The following HECW1 variants were observed in gnomAD, a reference collection of about 807,000 sequenced individuals.
HECW1 encodes E3 ubiquitin-protein ligase HECW1.
Under a neutral mutation model 182.3 loss-of-function variants are expected in HECW1, and 61 were observed. The ratio of observed to expected loss-of-function variants is 0.33; its 90% confidence interval spans 0.27 to 0.41. HECW1 has a LOEUF of 0.41. Among genes scored for constraint, HECW1 ranks in the 10% least tolerant of loss-of-function variants. The pLI, the probability that HECW1 is intolerant of heterozygous loss-of-function variation, is 1.00. For synonymous variants in HECW1, 859 were observed against 832.6 expected, an observed-to-expected ratio of 1.03 and a Z score of -0.55; for missense variants, 1,739 against 2,108.9, an observed-to-expected ratio of 0.82 and a Z score of 3.44.
chr7:43,172,721 G>A (rs1451265788), intron 2 of HECW1, among the ~76,000 whole-genome samples: 3 of 152,172 alleles, frequency 2.0e-5, no homozygotes, highest in East Asian at 3.8e-4. Context: ...GGGAACAAAT[G>A]TGACAATTAG....
chr7:43,270,669 C>A (rs1012773442), intron 3 of HECW1, among the ~76,000 whole-genome samples: 4 of 151,898 alleles, frequency 2.6e-5, no homozygotes, highest in African/African-American at 9.7e-5. Flanking sequence ...CCAAAACAAA[C>A]CAAGGTATTA....
intron 27 of HECW1, among the ~76,000 whole-genome samples, chr7:43,550,992 G>C (rs1406285590): frequency 6.6e-6 from 1 of 152,190 alleles, no homozygotes; most frequent in Non-Finnish European, 1.5e-5. Context: ...ATTTTATTTT[G>C]TTATAGCATC....
In HECW1 at chr7:43,564,145, A is replaced by G. The variant is rs1374284266; in HGVS notation, c.*2219A>G. 5.2e-6 allele frequency: 1 copy of G among 191,384 alleles called. No homozygotes were observed. Among genetic ancestry groups the G allele is most frequent in the Non-Finnish European group, 1.1e-5 (1 of 91,212 alleles). The allele number at this position is 191,384 out of a possible 1,614,324, so 11.9% of individuals were successfully genotyped here. On this transcript the variant is annotated 3_prime_UTR_variant, in exon 30 of 30. Coordinates refer to ENST00000395891, the MANE Select transcript of HECW1 (RefSeq NM_015052.5). ...GTTTTATTTATGAAATCAGAGCATA[A>G]GGACTATGCAAATCATTGAACCATA...
intron 6 of HECW1, among the ~76,000 whole-genome samples, chr7:43,363,943 TG>T (rs1816290103): frequency 6.6e-6 from 1 of 152,214 alleles, no homozygotes; most frequent in African/African-American, 2.4e-5. Flanking sequence ...AATAAGCCTT[TG>T]CAGTCTCGTC....
intron 2 of HECW1, among the ~76,000 whole-genome samples, chr7:43,182,576 G>A (rs943883364): frequency 2.6e-5 from 4 of 152,198 alleles, no homozygotes; most frequent in Non-Finnish European, 2.9e-5. Context: ...ATATTTTGAA[G>A]CCAAGTGGTA....
intron 24 of HECW1, among the ~76,000 whole-genome samples, chr7:43,513,296 T>G (rs1341451232): frequency 1.3e-5 from 2 of 152,110 alleles, no homozygotes; most frequent in Admixed American, 1.3e-4. Context: ...GGGACTCTGC[T>G]CTCCACGACG....
At chr7:43,122,496 C>T (rs1308380876) in intron 2 of HECW1, among the ~76,000 whole-genome samples, 1 of 152,208 alleles carries the variant, frequency 6.6e-6, no homozygotes, top group Non-Finnish European at 1.5e-5. Context: ...CAGTGCTCCT[C>T]TCCTGCTTTA....
chr7:43,182,107 T>C (rs1792924567), intron 2 of HECW1, among the ~76,000 whole-genome samples: 1 of 152,226 alleles, frequency 6.6e-6, no homozygotes, highest in African/African-American at 2.4e-5. Flanking sequence ...AAGTTCTCTC[T>C]TAACTCTGTT....
At chr7:43,315,783 C>T (rs951912122) in intron 4 of HECW1, among the ~76,000 whole-genome samples, 10 of 152,170 alleles carry the variant, frequency 6.6e-5, no homozygotes, top group South Asian at 2.1e-4. Flanking sequence ...CGTGATCCAC[C>T]GCGCCTGGCC....
At position 43,500,811 on chromosome 7, in the gene HECW1, G is replaced by A. The variant is rs774792010; in HGVS notation, c.3521+29G>A. ...GGGGGCTAGGCCTGAAATCCTTCTG[G>A]AAAAGCTTCCCTGGGCAGCTCTCCT... On this transcript the variant is annotated intron_variant, in intron 20 of 29. Coordinates refer to ENST00000395891, the MANE Select transcript of HECW1 (RefSeq NM_015052.5). 4 of 1,582,784 alleles carry A rather than the reference G, an allele frequency of 2.5e-6. 1 individual carries two copies. The South Asian group carries it at 4.4e-5, about 17-fold the overall frequency.
intron 3 of HECW1, among the ~76,000 whole-genome samples, chr7:43,272,755 G>A (rs1802566547): frequency 6.6e-6 from 1 of 152,218 alleles, no homozygotes; most frequent in African/African-American, 2.4e-5. Flanking sequence ...GTGAAGAGCA[G>A]TTTGGAGATT....
intron 6 of HECW1, among the ~76,000 whole-genome samples, chr7:43,372,166 C>T (rs1168379199): frequency 6.6e-6 from 1 of 152,058 alleles, no homozygotes; most frequent in Non-Finnish European, 1.5e-5. Flanking sequence ...AGAGCAGTGC[C>T]TTTAATATTA....
intron 3 of HECW1, among the ~76,000 whole-genome samples, chr7:43,297,115 G>A (rs1806150922): frequency 6.6e-6 from 1 of 152,150 alleles, no homozygotes; most frequent in African/African-American, 2.4e-5. Flanking sequence ...TTCATCTCAT[G>A]CATTCAGCTT....
At chr7:43,124,040 G>C (rs1457661930) in intron 2 of HECW1, among the ~76,000 whole-genome samples, 1 of 152,208 alleles carries the variant, frequency 6.6e-6, no homozygotes, top group Admixed American at 6.5e-5. Context: ...GGGTGGGTAG[G>C]AACTGAAGGG....
chr7:43,133,294 A>G (rs1228314787), intron 2 of HECW1, among the ~76,000 whole-genome samples: 27 of 151,812 alleles, frequency 1.8e-4, no homozygotes, highest in East Asian at 1.9e-4. Context: ...CATTTTTATT[A>G]TACTATGTAT....
intron 6 of HECW1, among the ~76,000 whole-genome samples, chr7:43,376,693 C>T (rs2074341099): frequency 6.6e-6 from 1 of 152,026 alleles, no homozygotes; most frequent in African/African-American, 2.4e-5. Context: ...GGTGAAACCC[C>T]ATCTCCACCA....
chr7:43,162,134 CT>C (rs1249823549), intron 2 of HECW1, among the ~76,000 whole-genome samples: 2 of 152,238 alleles, frequency 1.3e-5, no homozygotes, highest in Non-Finnish European at 2.9e-5. Context: ...CTCTCAGCTA[CT>C]TTTTTTCGTT....
intron 7 of HECW1, among the ~76,000 whole-genome samples, chr7:43,406,038 G>T (rs1436604020): frequency 1.3e-5 from 2 of 152,192 alleles, no homozygotes; most frequent in African/African-American, 4.8e-5. Context: ...TGTCTCTAGT[G>T]TAAGAACATG....
chr7:43,126,067 CTTT>C (rs71008891), intron 2 of HECW1, among the ~76,000 whole-genome samples: 8 of 103,988 alleles, frequency 7.7e-5, no homozygotes, highest in Admixed American at 4.8e-4. Flanking sequence ...TTTGTTCTCA[CTTT>C]TTTTTTTTTT....
Sources: allele counts gnomAD v4.1 joint callset (sites outside exome capture counted in the v4.1 genomes callset), GRCh38; gene constraint gnomAD v4.1.1; transcripts MANE v1.5; gene names NCBI Gene and HGNC (gene_info 2026-07-23, HGNC 2026-07-21).